ZDHHC14: variants seen among roughly 807,000 people sequenced by gnomAD.
The protein encoded by ZDHHC14 is palmitoyltransferase ZDHHC14.
In ZDHHC14, 16 loss-of-function variants were observed where a neutral mutation model predicts 47.7. The ratio of observed to expected loss-of-function variants is 0.34; its 90% confidence interval spans 0.23 to 0.51. ZDHHC14 has a LOEUF of 0.51. Ranked by LOEUF, ZDHHC14 falls within the 20% of genes least tolerant of loss-of-function variation. The pLI is 0.97. For synonymous variants in ZDHHC14, 293 were observed against 278.9 expected (o/e 1.05, Z -0.50); for missense variants, 515 against 662.5 (o/e 0.78, Z 2.44).
At chr6:157,608,524 A>G (rs996485282) in intron 3 of ZDHHC14, among the ~76,000 whole-genome samples, 1 of 152,166 alleles carries the variant, frequency 6.6e-6, no homozygotes, top group African/African-American at 2.4e-5. Context: ...GAGGAGAGCT[A>G]GCAAGAAGAT....
chr6:157,450,997 C>CG (rs1562430246), intron 1 of ZDHHC14, among the ~76,000 whole-genome samples: 22 of 126,516 alleles, frequency 1.7e-4, no homozygotes, highest in Admixed American at 4.9e-4. Flanking sequence ...AAAGTCTGGT[C>CG]TTGTGTGTGT....
intron 8 of ZDHHC14, among the ~76,000 whole-genome samples, chr6:157,670,629 C>T (rs1310528925): frequency 6.6e-6 from 1 of 152,102 alleles, no homozygotes; most frequent in African/African-American, 2.4e-5. Flanking sequence ...CTTTCCTTTC[C>T]TCCAAATAAC....
chr6:157,631,899 C>T (rs1252427343), intron 4 of ZDHHC14: 1 of 152,254 alleles, frequency 6.6e-6, no homozygotes, highest in Non-Finnish European at 1.5e-5. Context: ...CTTCACAGCC[C>T]CTCCCACACA....
intron 1 of ZDHHC14, among the ~76,000 whole-genome samples, chr6:157,443,741 C>T (rs1778604535): frequency 6.6e-6 from 1 of 152,210 alleles, no homozygotes; most frequent in Non-Finnish European, 1.5e-5. Flanking sequence ...ATCTGATACA[C>T]TCTGGCCCAA....
chr6:157,472,479 T>C (rs1374418813), intron 1 of ZDHHC14, among the ~76,000 whole-genome samples: 1 of 151,788 alleles, frequency 6.6e-6, no homozygotes, highest in Non-Finnish European at 1.5e-5. Context: ...ACCTAGTAAA[T>C]AATAAGTGGA....
At chr6:157,520,637 C>T (rs138726389) in intron 1 of ZDHHC14, among the ~76,000 whole-genome samples, 1 of 152,334 alleles carries the variant, frequency 6.6e-6, no homozygotes, top group East Asian at 1.9e-4. Flanking sequence ...AGCCCTAGCA[C>T]CTGCTTCTTA....
At chr6:157,467,241 C>T (rs1028407751) in intron 1 of ZDHHC14, among the ~76,000 whole-genome samples, 1 of 152,074 alleles carries the variant, frequency 6.6e-6, no homozygotes, top group Admixed American at 6.6e-5. Flanking sequence ...CAGAGTTGTA[C>T]AACTATCACT....
At chr6:157,453,026 G>C (rs1033834380) in intron 1 of ZDHHC14, among the ~76,000 whole-genome samples, 4 of 152,122 alleles carry the variant, frequency 2.6e-5, no homozygotes, top group Admixed American at 6.5e-5. Flanking sequence ...AGAGTAATAA[G>C]CACAATACTC....
intron 1 of ZDHHC14, among the ~76,000 whole-genome samples, chr6:157,417,908 T>G: frequency 6.7e-6 from 1 of 150,128 alleles, no homozygotes; most frequent in African/African-American, 2.5e-5. Context: ...GACCTGTGAT[T>G]GTGCCACTGC....
At chr6:157,550,288 C>T (rs148940883) in intron 2 of ZDHHC14, among the ~76,000 whole-genome samples, 2,404 of 151,632 alleles carry the variant, frequency 0.016, 44 homozygotes, top group Non-Finnish European at 0.02. Context: ...TCACAAGACA[C>T]GCTAGAGAGA....
chr6:157,563,437 T>C (rs952979137), intron 2 of ZDHHC14, among the ~76,000 whole-genome samples: 1 of 152,220 alleles, frequency 6.6e-6, no homozygotes, highest in Non-Finnish European at 1.5e-5. Flanking sequence ...GTTTTGTTTC[T>C]TCCCCCTTCC....
intron 8 of ZDHHC14, among the ~76,000 whole-genome samples, chr6:157,665,532 A>G (rs1778516481): frequency 6.6e-6 from 1 of 152,192 alleles, no homozygotes; most frequent in Non-Finnish European, 1.5e-5. Context: ...TTTTAGGACC[A>G]GTATCCGGAT....
chr6:157,407,749 G>A (rs1397681376), intron 1 of ZDHHC14, among the ~76,000 whole-genome samples: 1 of 152,174 alleles, frequency 6.6e-6, no homozygotes, highest in African/African-American at 2.4e-5. Flanking sequence ...TTTCATTGTA[G>A]TCTGATGGGA....
chr6:157,456,189 G>A (rs1404149101), intron 1 of ZDHHC14, among the ~76,000 whole-genome samples: 1 of 152,196 alleles, frequency 6.6e-6, no homozygotes, highest in Admixed American at 6.5e-5. Context: ...GCCACGGCGC[G>A]TGGCCCTAGA....
chr6:157,673,440 A>G lies in ZDHHC14; in HGVS notation c.*318A>G, dbSNP rs979052275. ...CCCGCCCTTGTGACAGACACACGGA[A>G]GGCTTCTGACGCTTGTGGCCAGACT... On this transcript the variant is annotated 3_prime_UTR_variant, in exon 9 of 9. Coordinates refer to ENST00000359775, the MANE Select transcript of ZDHHC14 (RefSeq NM_024630.3). The surrounding 1 kb of genome is among the most constrained non-coding windows in gnomAD (Gnocchi z 5.4). The G allele has an allele frequency of 7.3e-6, 3 of 408,830 alleles. No homozygotes were observed. The highest frequency in any genetic ancestry group is 1.3e-5 in the Non-Finnish European group (3 of 231,724). 25.3% of individuals were successfully genotyped at this position (408,830 alleles called of 1,614,324 possible).
At chr6:157,418,964 T>C (rs1778043100) in intron 1 of ZDHHC14, among the ~76,000 whole-genome samples, 1 of 152,204 alleles carries the variant, frequency 6.6e-6, no homozygotes, top group African/African-American at 2.4e-5. Flanking sequence ...TACTGGACGA[T>C]TGCACTATAA....
At chr6:157,522,541 A>G (rs188122233) in intron 1 of ZDHHC14, among the ~76,000 whole-genome samples, 1 of 152,168 alleles carries the variant, frequency 6.6e-6, no homozygotes, top group East Asian at 1.9e-4. Flanking sequence ...TAACTCACAT[A>G]GGAAATACAG....
At chr6:157,458,683 A>T (rs942815953) in intron 1 of ZDHHC14, among the ~76,000 whole-genome samples, 1 of 152,226 alleles carries the variant, frequency 6.6e-6, no homozygotes, top group Non-Finnish European at 1.5e-5. Context: ...TGAGTGGCGC[A>T]TCTTGTGTAG....
chr6:157,587,451 T>C (rs533609398), intron 2 of ZDHHC14, among the ~76,000 whole-genome samples: 111 of 151,936 alleles, frequency 7.3e-4, no homozygotes, highest in Admixed American at 2.6e-3. Context: ...GCCTGTGACA[T>C]TAGTGCCATT....
Sources: allele counts gnomAD v4.1 joint callset (sites outside exome capture counted in the v4.1 genomes callset), GRCh38; gene constraint gnomAD v4.1.1; non-coding constraint Gnocchi (gnomAD v3.1); transcripts MANE v1.5; gene names NCBI Gene and HGNC (gene_info 2026-07-23, HGNC 2026-07-21).